Variants in LTBP1 observed in about 807,000 individuals in gnomAD.
LTBP1 encodes the protein latent transforming growth factor beta binding protein 1.
A neutral mutation model predicts 207.6 loss-of-function variants in LTBP1; 129 were observed. That is an observed-to-expected ratio of 0.62 (90% CI 0.54 to 0.72). LTBP1 has a LOEUF of 0.72. LTBP1 is among the 30% of genes least tolerant of loss of function. The pLI is 0.00. For missense variants in LTBP1, 2,281 were observed against 2,217.2 expected (o/e 1.03, Z -0.58); for synonymous variants, 963 against 833.7 (o/e 1.16, Z -2.67).
rs769630036 is a variant in LTBP1, at chr2:33,347,475, C to G, written c.3965C>G (p.Pro1322Arg). ...GCTGATGAAAACCAAGAGTACAGCC[C>G]CATGACTGGGCAGTGCCGCTCCCGG... Reference protein sequence around the residue: ...VCADENQEYSPMTGQCRSRTS... With the variant: ...VCADENQEYSRMTGQCRSRTS... Residue 1322 changes from proline (P) to arginine (R), a missense_variant, in exon 26 of 34, where the codon CCC (proline) becomes CGC (arginine). By Grantham distance (103) the Pro-to-Arg change is moderately radical. Coordinates refer to ENST00000404816, the MANE Select transcript of LTBP1 (RefSeq NM_206943.4). The G allele has an allele frequency of 8.7e-6, 14 of 1,614,036 alleles. No individual in the cohort carries two copies. The South Asian group carries it at 1.3e-4, about 15-fold the overall frequency.
intron 5 of LTBP1, among the ~76,000 whole-genome samples, chr2:33,180,302 C>T (rs920984319): frequency 1.3e-5 from 2 of 152,148 alleles, no homozygotes; most frequent in African/African-American, 4.8e-5. Context: ...CTTTCTTGGT[C>T]ATGTGTAGGA....
chr2:32,980,377 A>G (rs1338990264), intron 2 of LTBP1, among the ~76,000 whole-genome samples: 7 of 152,134 alleles, frequency 4.6e-5, no homozygotes, highest in Non-Finnish European at 8.8e-5. Context: ...TATAAACATT[A>G]TTTTAAACTG....
intron 5 of LTBP1, among the ~76,000 whole-genome samples, chr2:33,173,253 G>A (rs201614773): frequency 0.47 from 71,005 of 150,804 alleles, 17,018 homozygotes; most frequent in Non-Finnish European, 0.51. Flanking sequence ...TTGATAGACC[G>A]CTAGCAAGAC....
intron 2 of LTBP1, among the ~76,000 whole-genome samples, chr2:32,969,201 C>T (rs1356798706): frequency 1.4e-5 from 2 of 145,578 alleles, no homozygotes; most frequent in Non-Finnish European, 3.0e-5. Context: ...GCTGAGATTA[C>T]AGGTGTGAGC....
intron 12 of LTBP1, among the ~76,000 whole-genome samples, chr2:33,259,040 C>G (rs1380203232): frequency 6.6e-6 from 1 of 152,114 alleles, no homozygotes; most frequent in Admixed American, 6.5e-5. Context: ...TTGTGAGATT[C>G]TTTTTCGTAA....
intron 19 of LTBP1, among the ~76,000 whole-genome samples, chr2:33,284,580 A>G (rs1042760406): frequency 6.6e-6 from 1 of 152,226 alleles, no homozygotes; most frequent in African/African-American, 2.4e-5. Context: ...CCAAATGGCT[A>G]TTTCAACCAA....
intron 3 of LTBP1, among the ~76,000 whole-genome samples, chr2:33,047,498 G>A (rs533305936): frequency 6.6e-6 from 1 of 152,280 alleles, no homozygotes; most frequent in Non-Finnish European, 1.5e-5. Context: ...TATGATTTCT[G>A]TTCTTTTGCA....
intron 2 of LTBP1, among the ~76,000 whole-genome samples, chr2:33,012,233 G>A (rs1452822110): frequency 2.0e-5 from 3 of 151,520 alleles, no homozygotes; most frequent in Non-Finnish European, 2.9e-5. Context: ...TAAGGCATGA[G>A]TCAAACTTGG....
Position 33,360,699 on chromosome 2 carries a change from C to G in LTBP1, c.4103C>G (p.Thr1368Arg). 1.9e-6 allele frequency: 3 copies of G among 1,613,858 alleles called. No individual in the cohort carries two copies. Among genetic ancestry groups the G allele is most frequent in the Non-Finnish European group, 2.5e-6 (3 of 1,179,744 alleles). Residue 1368 changes from threonine to arginine, a missense_variant, in exon 27 of 34, where the codon ACG becomes AGG. Physicochemically the swap from Thr to Arg is moderately conservative, Grantham distance 71 (BLOSUM62 -1). Around this residue, in one of 3 missense-constraint regions of LTBP1, gnomAD observed 1,671 missense variants for 1,634.8 expected, o/e 1.02. Coordinates refer to ENST00000404816, the MANE Select transcript of LTBP1 (RefSeq NM_206943.4). ...GATAATGTGTTGGCCCCCAATGTCA[C>G]GAAACAAGAATGCTGCTGTACATCA... is the stretch of plus-strand genomic sequence containing the variant. ...LCDNVLAPNVTKQECCCTSGV... is the reference protein window; with the variant it reads ...LCDNVLAPNVRKQECCCTSGV...
intron 2 of LTBP1, among the ~76,000 whole-genome samples, chr2:33,004,816 A>ATAT (rs1558501569): frequency 4.9e-4 from 35 of 72,054 alleles, no homozygotes; most frequent in African/African-American, 1.3e-3. Flanking sequence ...TATATATATA[A>ATAT]ACATAAAATT....
At chr2:32,952,634 A>G (rs1677330744) in intron 2 of LTBP1, among the ~76,000 whole-genome samples, 1 of 151,568 alleles carries the variant, frequency 6.6e-6, no homozygotes, top group South Asian at 2.1e-4. Context: ...GCCTCCTATC[A>G]TTTTTGTAGT....
rs147212255 is a variant in LTBP1, at chr2:33,133,988, G to T, written c.1034-805G>T. Reference sequence around the variant, plus strand: ...GATAGCATTTCGTTTTTAAGAGAAGGCCACGCTAATGAAAGAAAGCTCCAT... The same window carrying T: ...GATAGCATTTCGTTTTTAAGAGAAGTCCACGCTAATGAAAGAAAGCTCCAT... On this transcript the variant is annotated intron_variant, in intron 4 of 33. Coordinates refer to ENST00000404816, the MANE Select transcript of LTBP1 (RefSeq NM_206943.4). Among the ~76,000 whole-genome samples, 11 of 152,262 alleles carry T rather than the reference G, an allele frequency of 7.2e-5. No homozygotes were observed. The East Asian group carries it at 1.9e-3, about 27-fold the overall frequency.
At chr2:33,331,021 C>A (rs2094487667) in intron 24 of LTBP1, among the ~76,000 whole-genome samples, 1 of 151,632 alleles carries the variant, frequency 6.6e-6, no homozygotes, top group East Asian at 1.9e-4. Context: ...GGAATTTATC[C>A]ATTTGGGTAA....
chr2:33,137,901 A>G (rs1256722278), intron 5 of LTBP1, among the ~76,000 whole-genome samples: 1 of 152,106 alleles, frequency 6.6e-6, no homozygotes, highest in East Asian at 1.9e-4. Context: ...CATGATGTAT[A>G]AGAGGGACAA....
intron 3 of LTBP1, among the ~76,000 whole-genome samples, chr2:33,103,428 T>C (rs534446447): frequency 6.6e-6 from 1 of 152,334 alleles, no homozygotes; most frequent in South Asian, 2.1e-4. Context: ...TTGTATGCTG[T>C]ATGCACCATG....
At chr2:33,368,298 A>G (rs1372680602) in intron 31 of LTBP1, among the ~76,000 whole-genome samples, 1 of 152,168 alleles carries the variant, frequency 6.6e-6, no homozygotes, top group Non-Finnish European at 1.5e-5. Flanking sequence ...TAAAAATAGA[A>G]CTACCCGGCG....
intron 7 of LTBP1, among the ~76,000 whole-genome samples, chr2:33,212,833 AT>A (rs2090412697): frequency 6.6e-6 from 1 of 152,186 alleles, no homozygotes; most frequent in South Asian, 2.1e-4. Flanking sequence ...AACAATTTAG[AT>A]TTTGTACTTT....
At chr2:33,116,053 T>G (rs1363582532) in intron 4 of LTBP1, among the ~76,000 whole-genome samples, 1 of 152,190 alleles carries the variant, frequency 6.6e-6, no homozygotes, top group African/African-American at 2.4e-5. Flanking sequence ...CTTACTAAGA[T>G]AGATTGTAGA....
chr2:33,234,406 C>T (rs748494619), intron 9 of LTBP1, among the ~76,000 whole-genome samples: 13 of 152,048 alleles, frequency 8.5e-5, no homozygotes, highest in Non-Finnish European at 7.4e-5. Context: ...GCTATAGACA[C>T]GAGCATTCCT....
Sources: allele counts gnomAD v4.1 joint callset (sites outside exome capture counted in the v4.1 genomes callset), GRCh38; gene constraint gnomAD v4.1.1; regional missense constraint gnomAD v4.1.1; transcripts MANE v1.5; gene names NCBI Gene and HGNC (gene_info 2026-07-23, HGNC 2026-07-21).